Variants in SLCO2A1 observed in about 807,000 individuals in gnomAD.
SLCO2A1 encodes matrin F/G 1.
In SLCO2A1, 60 loss-of-function variants were observed where a neutral mutation model predicts 71.7. The ratio of observed to expected loss-of-function variants is 0.84; its 90% confidence interval spans 0.68 to 1.04. SLCO2A1 has a LOEUF of 1.04. SLCO2A1 is among the 50% of genes least tolerant of loss of function. The pLI is 0.00. For synonymous variants in SLCO2A1, 308 were observed against 326.7 expected (o/e 0.94, Z 0.62); for missense variants, 745 against 813.4 (o/e 0.92, Z 1.02).
intron 1 of SLCO2A1, among the ~76,000 whole-genome samples, chr3:134,027,003 T>C (rs1935711961): frequency 6.6e-6 from 1 of 152,208 alleles, no homozygotes. Flanking sequence ...ACTGCTCCCT[T>C]GTTTGCTACC....
rs1933739520 is a variant in SLCO2A1 at position 133,951,298 on chromosome 3, C to A, written c.771G>T (p.Trp257Cys). 2.5e-6 allele frequency: 4 copies of A among 1,613,982 alleles called. No individual in the cohort carries two copies. The highest frequency in any genetic ancestry group is 3.4e-6 in the Non-Finnish European group (4 of 1,180,002). Residue 257 changes from tryptophan (W) to cysteine (C), a missense_variant, in exon 6 of 14, where the codon TGG becomes TGT. Coordinates refer to ENST00000310926, the MANE Select transcript of SLCO2A1 (RefSeq NM_005630.3). Reference sequence around the variant, plus strand: ...CTGAAGAAATGAGCAGGCCTAGCCACCAGGCTCCAATCCATCGGGGGTCAC... The same window carrying A: ...CTGAAGAAATGAGCAGGCCTAGCCAACAGGCTCCAATCCATCGGGGGTCAC... ...VPGDPRWIGAWWLGLLISSAL... is the reference protein window; with the variant it reads ...VPGDPRWIGACWLGLLISSAL...
At chr3:133,984,252 C>T (rs1934658416) in intron 1 of SLCO2A1, among the ~76,000 whole-genome samples, 1 of 152,182 alleles carries the variant, frequency 6.6e-6, no homozygotes, top group Non-Finnish European at 1.5e-5. Flanking sequence ...CACTTTCTCC[C>T]CCGTGCTACT....
rs761043424 is a variant in SLCO2A1 at position 133,980,770 on chromosome 3, G to A, written c.97-1152C>T. Among the ~76,000 whole-genome samples, 37 of 152,242 alleles carry A rather than the reference G, an allele frequency of 2.4e-4. 1 individual carries two copies. Among genetic ancestry groups the A allele is most frequent in the Admixed American group, 1.2e-3 (18 of 15,290 alleles). On this transcript the variant is annotated intron_variant, in intron 1 of 13. Coordinates refer to ENST00000310926, the MANE Select transcript of SLCO2A1 (RefSeq NM_005630.3). ...TCCTGCCAGGGCAGAACCTTTGCGA[G>A]GCCAGCTTGGGATGTCAGACAGAGC...
At chr3:133,970,914 C>A (rs546558558) in intron 3 of SLCO2A1, among the ~76,000 whole-genome samples, 1 of 152,386 alleles carries the variant, frequency 6.6e-6, no homozygotes, top group South Asian at 2.1e-4. Flanking sequence ...AAGGCTGGAA[C>A]AGCACAGTGT....
At chr3:133,988,994 A>T (rs915882541) in intron 1 of SLCO2A1, among the ~76,000 whole-genome samples, 1 of 152,214 alleles carries the variant, frequency 6.6e-6, no homozygotes, top group African/African-American at 2.4e-5. Flanking sequence ...CACTCTGAGT[A>T]ACAAAGGATC....
At chr3:133,978,246 A>G (rs1475367469) in intron 2 of SLCO2A1, among the ~76,000 whole-genome samples, 1 of 152,188 alleles carries the variant, frequency 6.6e-6, no homozygotes, top group Non-Finnish European at 1.5e-5. Context: ...TTAGGAATCC[A>G]CAGAGGAGGC....
At chr3:133,995,231 G>A (rs1934940590) in intron 1 of SLCO2A1, among the ~76,000 whole-genome samples, 1 of 152,064 alleles carries the variant, frequency 6.6e-6, no homozygotes, top group South Asian at 2.1e-4. Context: ...TATATAAATA[G>A]AATCATATAG....
At chr3:134,025,423 G>T (rs1935683378) in intron 1 of SLCO2A1, among the ~76,000 whole-genome samples, 1 of 152,044 alleles carries the variant, frequency 6.6e-6, no homozygotes, top group African/African-American at 2.4e-5. Flanking sequence ...ACTGGTGAGG[G>T]CTCACAAATG....
At chr3:133,955,698 C>T (rs893516649) in intron 3 of SLCO2A1, among the ~76,000 whole-genome samples, 14 of 152,176 alleles carry the variant, frequency 9.2e-5, no homozygotes, top group African/African-American at 3.1e-4. Flanking sequence ...TTGGTGTCAC[C>T]TACAACGTGG....
intron 1 of SLCO2A1, among the ~76,000 whole-genome samples, chr3:134,023,782 G>A (rs1935644172): frequency 6.6e-6 from 1 of 152,362 alleles, no homozygotes; most frequent in East Asian, 1.9e-4. Context: ...CAATTGTTAT[G>A]CTTGTGCACA....
intron 1 of SLCO2A1, among the ~76,000 whole-genome samples, chr3:134,015,418 T>C (rs1935427463): frequency 9.2e-6 from 1 of 108,788 alleles, no homozygotes; most frequent in South Asian, 3.2e-4. Flanking sequence ...AGTAGAATGA[T>C]GGTTACAGAG....
intron 10 of SLCO2A1, among the ~76,000 whole-genome samples, chr3:133,943,325 AC>A (rs1933483752): frequency 1.3e-5 from 2 of 151,994 alleles, no homozygotes; most frequent in South Asian, 4.2e-4. Flanking sequence ...ATGGCTCAAT[AC>A]TGTTGTCCAA....
At chr3:134,017,433 T>G (rs1220682102) in intron 1 of SLCO2A1, among the ~76,000 whole-genome samples, 2 of 152,228 alleles carry the variant, frequency 1.3e-5, no homozygotes, top group Non-Finnish European at 2.9e-5. Context: ...ACCATCCACG[T>G]TGATCCTCCA....
intron 3 of SLCO2A1, among the ~76,000 whole-genome samples, chr3:133,962,865 G>A (rs1934072324): frequency 1.3e-5 from 2 of 152,140 alleles, no homozygotes; most frequent in Non-Finnish European, 2.9e-5. Context: ...GAGACTGCCT[G>A]CCCAAACACA....
chr3:134,018,212 A>G (rs894765371), intron 1 of SLCO2A1, among the ~76,000 whole-genome samples: 2 of 152,200 alleles, frequency 1.3e-5, no homozygotes, highest in African/African-American at 2.4e-5. Context: ...GTTGTCTTCA[A>G]TGTTAGAGAA....
rs535412205 is a variant in SLCO2A1, at chr3:133,993,082, C to T, written c.97-13464G>A. On this transcript the variant is annotated intron_variant, in intron 1 of 13. Coordinates refer to ENST00000310926, the MANE Select transcript of SLCO2A1 (RefSeq NM_005630.3). ...TGGGCACCCCACCTCCAGATGCTGC[C>T]GTGGGGCCCACAAGGAGTTTTGCTC... Among the ~76,000 whole-genome samples the T allele has an allele frequency of 3.9e-5, 6 of 152,270 alleles. 1 individual carries two copies. In the South Asian group the frequency reaches 6.2e-4, roughly 16 times the overall value.
intron 1 of SLCO2A1, among the ~76,000 whole-genome samples, chr3:134,028,025 C>T (rs778914050): frequency 2.0e-5 from 3 of 152,206 alleles, no homozygotes; most frequent in Non-Finnish European, 4.4e-5. Context: ...GCCCAGCCCT[C>T]AGGTACGTGT....
chr3:133,947,949 T>C (rs946057520), intron 8 of SLCO2A1, among the ~76,000 whole-genome samples: 2 of 152,156 alleles, frequency 1.3e-5, no homozygotes, highest in Non-Finnish European at 2.9e-5. Flanking sequence ...GCCCAGTGAT[T>C]TCCTAGGGTA....
intron 1 of SLCO2A1, among the ~76,000 whole-genome samples, chr3:134,010,573 T>A (rs9853087): frequency 7.9e-5 from 12 of 151,642 alleles, no homozygotes; most frequent in South Asian, 2.1e-4. Flanking sequence ...CCAACATGGT[T>A]AAACCCTGTC....
Sources: gnomAD v4.1 joint callset for allele counts (sites outside exome capture counted in the v4.1 genomes callset) on GRCh38, gnomAD v4.1.1 for gene constraint, MANE v1.5 for transcripts, NCBI Gene and HGNC (gene_info 2026-07-23, HGNC 2026-07-21) for gene names.